TAF10: variants seen among roughly 807,000 people sequenced by gnomAD.
TAF10 encodes the protein transcription initiation factor TFIID subunit 10.
TAF10 carries 2 observed loss-of-function variants against 18.1 expected under a neutral mutation model. The ratio of observed to expected loss-of-function variants is 0.11; its 90% CI spans 0.05 to 0.35. The LOEUF is 0.35. Ranked by LOEUF, TAF10 falls within the 10% of genes least tolerant of loss-of-function variation. The probability of loss-of-function intolerance (pLI) is 1.00; values close to 1 mark genes in which losing one functional copy is unlikely to be tolerated. For missense variants in TAF10, 293 were observed against 306.9 expected, an observed-to-expected ratio of 0.95 and a Z score of 0.34; for synonymous variants, 158 against 134.6, an observed-to-expected ratio of 1.17 and a Z score of -1.20.
chr11:6,611,164 T>C, intron 4 of TAF10, 25 bp downstream of exon 4: 2 of 1,608,930 alleles, frequency 1.2e-6, no homozygotes, highest in Non-Finnish European at 1.7e-6. Flanking sequence ...AGGTAATTAC[T>C]GATTCATTAA....
At position 6,610,092 on chromosome 11, in the gene TAF10, G is replaced by T. The variant is rs1855348531; in HGVS notation, c.*830C>A. Reference sequence around the variant, plus strand: ...AAGGACCACCTCAGAAGTAGTGGAAGGGGGCAGAGACAGGACAGGCAAGGG... The same window carrying T: ...AAGGACCACCTCAGAAGTAGTGGAATGGGGCAGAGACAGGACAGGCAAGGG... On this transcript the variant is annotated 3_prime_UTR_variant, in exon 5 of 5. Coordinates refer to ENST00000299424, the MANE Select transcript of TAF10 (RefSeq NM_006284.4). 1 of 1,614,174 alleles carries T rather than the reference G, an allele frequency of 6.2e-7. No homozygotes were observed. Among genetic ancestry groups the T allele is most frequent in the Non-Finnish European group, 8.5e-7 (1 of 1,180,032 alleles).
In TAF10 at chr11:6,608,706, A is replaced by G; in HGVS notation, c.*2216T>C. Reference sequence around the variant, plus strand: ...CTTTTCATTCCAGGACCTGGTGGCAAATGGGGCCCTTGTCAGCATCTGTAA... The same window carrying G: ...CTTTTCATTCCAGGACCTGGTGGCAGATGGGGCCCTTGTCAGCATCTGTAA... On this transcript the variant is annotated 3_prime_UTR_variant, in exon 5 of 5. Coordinates refer to ENST00000299424, the MANE Select transcript of TAF10 (RefSeq NM_006284.4). The surrounding 1 kb of genome is among the most constrained non-coding windows in gnomAD (Gnocchi z 4.9). 5.6e-6 allele frequency: 9 copies of G among 1,614,018 alleles called. No homozygotes were observed. The highest frequency in any genetic ancestry group is 7.6e-6 in the Non-Finnish European group (9 of 1,179,900).
At position 6,611,247 on chromosome 11, in the gene TAF10, G is replaced by A. The variant is rs186326330; in HGVS notation, c.509C>T (p.Ala170Val). ...QKFISDIAND[A>V]LQHCKMKGTA... The stretch of plus-strand genomic sequence containing the variant: ...GCCCTTCATTTTGCAGTGCTGTAGG[G>A]CATCATTGGCAATATCTGAGATGAA... The change falls in exon 4 of 5, where the codon GCC becomes GTC. Residue 170 changes from alanine to valine, a missense_variant. By Grantham distance (64) the Ala-to-Val change is moderately conservative. Transcript: ENST00000299424. The A allele has an allele frequency of 1.9e-6, 3 of 1,614,122 alleles. No individual in the cohort carries two copies. The highest frequency in any genetic ancestry group is 2.5e-6 in the Non-Finnish European group (3 of 1,180,046).
Position 6,608,796 on chromosome 11 carries a change from TCTC to T in TAF10, c.*2123_*2125del. On this transcript the variant is annotated 3_prime_UTR_variant, in exon 5 of 5. Transcript: ENST00000299424. The surrounding 1 kb of genome is among the most constrained non-coding windows in gnomAD (Gnocchi z 4.9). ...CCTGAGAGAGCTTCTCCGAGGTCCA[TCTC>T]CCCATCCCCTAGCTTGTGTCCTCTC... 2.5e-6 allele frequency: 4 copies of T among 1,613,278 alleles called. No homozygotes were observed. Among genetic ancestry groups the T allele is most frequent in the Non-Finnish European group, 3.4e-6 (4 of 1,179,220 alleles).
chr11:6,611,031 C>T lies in TAF10; in HGVS notation c.568-20G>A, dbSNP rs1382360595. On this transcript the variant is annotated intron_variant, in intron 4 of 4. Transcript: ENST00000299424. The stretch of plus-strand genomic sequence containing the variant: ...GCGGTCCTGAGGGAAGAGGGAAGAG[C>T]ACCAACTGAGCACAGGAATCCCGGA... 1 of 1,612,918 alleles carries T rather than the reference C, an allele frequency of 6.2e-7. No individual in the cohort carries two copies. Among genetic ancestry groups the T allele is most frequent in the African/African-American group, 1.3e-5 (1 of 74,874 alleles).
rs1589944192 is a variant in TAF10, at chr11:6,610,761, C to T, written c.*161G>A. 1 of 1,322,852 alleles carries T rather than the reference C, an allele frequency of 7.6e-7. No individual in the cohort carries two copies. Among genetic ancestry groups the T allele is most frequent in the Non-Finnish European group, 1.1e-6 (1 of 931,626 alleles). 81.9% of individuals were successfully genotyped at this position (1,322,852 alleles called of 1,614,324 possible). The stretch of plus-strand genomic sequence containing the variant: ...GGTCCATCCCCTTCCCCCATCCCTA[C>T]CACTGTGGCCCCAAGAGGGGCGGGC... On this transcript the variant is annotated 3_prime_UTR_variant, in exon 5 of 5. Transcript: ENST00000299424.
rs1855465166 is a variant in TAF10 at position 6,611,654 on chromosome 11, G to A, written c.387+10C>T. 1.3e-6 allele frequency: 2 copies of A among 1,578,442 alleles called. No individual in the cohort carries two copies. Among genetic ancestry groups the A allele is most frequent in the Non-Finnish European group, 1.7e-6 (2 of 1,160,278 alleles). On this transcript the variant is annotated intron_variant, in intron 2 of 4. Coordinates refer to ENST00000299424, the MANE Select transcript of TAF10 (RefSeq NM_006284.4). ...GCAGGCTAGGTGGCCTTGTTCGGGC[G>A]GAAGCCCACCGTAGGCGTGTAATCT...
intron 2 of TAF10, 68 bp from the exon 3 acceptor site, chr11:6,611,520 T>A (rs1380454025): frequency 1.2e-6 from 2 of 1,603,726 alleles, no homozygotes; most frequent in Middle Eastern, 1.7e-4. Context: ...TAGGCCTGAT[T>A]ATCAGGAAGC....
rs1039133609 is a variant in TAF10 at position 6,612,147 on chromosome 11, C to T, written c.43G>A (p.Ala15Thr). Residue 15 changes from alanine to threonine, a missense_variant, in exon 1 of 5, where the codon GCC becomes ACC. Coordinates refer to ENST00000299424, the MANE Select transcript of TAF10 (RefSeq NM_006284.4). ...GGGCCCGGGGCCGAGGCGGCGGAGG[C>T]CGGCGCCGCCTCGGGGTCCGCGCCG... The part of the protein sequence containing the change: ...GSGADPEAAP[A>T]SAASAPGPAP... 6.7e-6 allele frequency: 8 copies of T among 1,193,836 alleles called. No individual in the cohort carries two copies. In the African/African-American group the frequency reaches 1.1e-4, roughly 17 times the overall value. The allele number at this position is 1,193,836 out of a possible 1,614,324, so 74.0% of individuals were successfully genotyped here. A position where few individuals can be genotyped will look rare whatever the true frequency, so the allele number is the denominator to read the frequency against.
chr11:6,611,045 A>G (rs1855440311), intron 4 of TAF10, 34 bp from the exon 5 acceptor site: 1 of 1,610,914 alleles, frequency 6.2e-7, no homozygotes, highest in Non-Finnish European at 8.5e-7. Context: ...AACTGAGCAC[A>G]GGAATCCCGG....
In TAF10 at chr11:6,609,858, G is replaced by A; in HGVS notation, c.*1064C>T. 6.2e-7 allele frequency: 1 copy of A among 1,614,200 alleles called. No individual in the cohort carries two copies. Among genetic ancestry groups the A allele is most frequent in the African/African-American group, 1.3e-5 (1 of 75,042 alleles). ...CCGTAGTGTAATGGTGAGGCCACAA[G>A]CTCACTCCTGGCCCAGGCCCCAAAA... On this transcript the variant is annotated 3_prime_UTR_variant, in exon 5 of 5. Transcript: ENST00000299424.
Position 6,608,852 on chromosome 11 carries a change from G to T in TAF10, c.*2070C>A. The T allele has an allele frequency of 6.2e-7, 1 of 1,613,700 alleles. No homozygotes were observed. On this transcript the variant is annotated 3_prime_UTR_variant, in exon 5 of 5. Transcript: ENST00000299424. This position sits in a 1 kb window ranked among gnomAD's most constrained non-coding sequence, Gnocchi z 4.9. Reference sequence around the variant, plus strand: ...CCCTTCCCACCTGTCTTCTCCCTCTGTACCACAGCTTAGGTTGTTTTTCTT... The same window carrying T: ...CCCTTCCCACCTGTCTTCTCCCTCTTTACCACAGCTTAGGTTGTTTTTCTT...
chr11:6,611,099 C>T (rs1319889854), intron 4 of TAF10, 88 bp from the exon 5 acceptor site: 2 of 1,586,136 alleles, frequency 1.3e-6, no homozygotes, highest in East Asian at 2.2e-5. Flanking sequence ...CTTACACCTC[C>T]CCTACGATTC....
In TAF10 at chr11:6,608,022, A is replaced by AT. The variant is rs1564844685; in HGVS notation, c.*2899dup. On this transcript the variant is annotated 3_prime_UTR_variant, in exon 5 of 5. Coordinates refer to ENST00000299424, the MANE Select transcript of TAF10 (RefSeq NM_006284.4). The surrounding 1 kb of genome is among the most constrained non-coding windows in gnomAD (Gnocchi z 4.9). The stretch of plus-strand genomic sequence containing the variant: ...TTTGCCCCATCCCACCTCCAGCTCA[A>AT]TGACCATTGCCCCTTCCTCAAAGGG... The AT allele has an allele frequency of 6.2e-7, 1 of 1,613,348 alleles. No individual in the cohort carries two copies. Among genetic ancestry groups the AT allele is most frequent in the Non-Finnish European group, 8.5e-7 (1 of 1,179,840 alleles).
rs759232954 is a variant in TAF10, at chr11:6,609,258, C to G, written c.*1664G>C. 1.2e-6 allele frequency: 2 copies of G among 1,603,082 alleles called. No individual in the cohort carries two copies. Among genetic ancestry groups the G allele is most frequent in the South Asian group, 1.1e-5 (1 of 90,842 alleles). On this transcript the variant is annotated 3_prime_UTR_variant, in exon 5 of 5. Transcript: ENST00000299424. ...CTCCAGTTAGTGGGCAAGGAAGTGG[C>G]AGCAACATTTCAAGCCTCCTAACCC...
chr11:6,608,420 T>TG lies in TAF10; in HGVS notation c.*2501dup. 6.2e-7 allele frequency: 1 copy of TG among 1,614,230 alleles called. No homozygotes were observed. ...TATTGCAGTACAAGGCAGACATCAATGCAGTGAATGAACACGGGAATGTGC... is the reference window on the plus strand; with the variant it reads ...TATTGCAGTACAAGGCAGACATCAATGGCAGTGAATGAACACGGGAATGTGC... On this transcript the variant is annotated 3_prime_UTR_variant, in exon 5 of 5. Transcript: ENST00000299424. The surrounding 1 kb of genome is among the most constrained non-coding windows in gnomAD (Gnocchi z 4.9).
Position 6,611,357 on chromosome 11 carries a change from C to T in TAF10, c.452+31G>A, listed in dbSNP as rs768209545. 5.0e-6 allele frequency: 8 copies of T among 1,614,056 alleles called. No homozygotes were observed. The Admixed American group carries it at 6.7e-5, about 13-fold the overall frequency. On this transcript the variant is annotated intron_variant, in intron 3 of 4. Transcript: ENST00000299424. Reference sequence around the variant, plus strand: ...AGATGGACAACATACTGCACAAGCACCCAAAACTAACCTGCCCTGGGTTTA... The same window carrying T: ...AGATGGACAACATACTGCACAAGCATCCAAAACTAACCTGCCCTGGGTTTA...
rs1855423675 is a variant in TAF10 at position 6,610,778 on chromosome 11, G to A, written c.*144C>T. 9.8e-6 allele frequency: 13 copies of A among 1,327,818 alleles called. No individual in the cohort carries two copies. The highest frequency in any genetic ancestry group is 1.3e-5 in the Non-Finnish European group (12 of 935,938). The allele number at this position is 1,327,818 out of a possible 1,614,324, so 82.3% of individuals were successfully genotyped here. ...CATCCCTACCACTGTGGCCCCAAGA[G>A]GGGCGGGCTCAGAGCTTTGTCACTT... On this transcript the variant is annotated 3_prime_UTR_variant, in exon 5 of 5. Transcript: ENST00000299424.
rs746816295 is a variant in TAF10, at chr11:6,612,009, T to C, written c.181A>G (p.Thr61Ala). Reference protein sequence around the residue: ...GPGAGAAAGGTGPLAARAGEP... With the variant: ...GPGAGAAAGGAGPLAARAGEP... Reference sequence around the variant, plus strand: ...CCGGCCCGCGCCGCCAAGGGTCCCGTGCCCCCAGCAGCTGCTCCAGCCCCA... The same window carrying C: ...CCGGCCCGCGCCGCCAAGGGTCCCGCGCCCCCAGCAGCTGCTCCAGCCCCA... The change falls in exon 1 of 5, where the codon ACG becomes GCG. Residue 61 changes from threonine (T) to alanine (A), a missense_variant. Coordinates refer to ENST00000299424, the MANE Select transcript of TAF10 (RefSeq NM_006284.4). The C allele has an allele frequency of 3.3e-5, 51 of 1,543,312 alleles. No homozygotes were observed. The highest frequency in any genetic ancestry group is 5.2e-6 in the Non-Finnish European group (6 of 1,152,294).
Sources: allele counts gnomAD v4.1 joint callset, GRCh38; gene constraint gnomAD v4.1.1; non-coding constraint Gnocchi (gnomAD v3.1); transcripts MANE v1.5; gene names NCBI Gene and HGNC (gene_info 2026-07-23, HGNC 2026-07-21).